Variants in PLXNA4 observed in about 807,000 individuals in gnomAD.
PLXNA4 encodes plexin A4.
PLXNA4 carries 44 observed loss-of-function variants against 191.8 expected under a neutral mutation model. The ratio of observed to expected loss-of-function variants is 0.23; its 90% CI spans 0.18 to 0.29. The LOEUF is 0.29. PLXNA4 is among the 10% of genes least tolerant of loss of function. The probability of loss-of-function intolerance (pLI) is 1.00; values close to 1 mark genes in which losing one functional copy is unlikely to be tolerated. For missense variants in PLXNA4, 1,800 were observed against 2,488.8 expected (o/e 0.72, Z 5.89); for synonymous variants, 1,082 against 1,009.5 (o/e 1.07, Z -1.36).
chr7:132,292,327 G>C (rs1800923511), intron 4 of PLXNA4, among the ~76,000 whole-genome samples: 1 of 152,166 alleles, frequency 6.6e-6, no homozygotes, highest in Admixed American at 6.5e-5. Context: ...AAAGAAACTA[G>C]GGACAAGAAG....
chr7:132,252,619 C>A (rs1445377619), intron 4 of PLXNA4, among the ~76,000 whole-genome samples: 1 of 152,096 alleles, frequency 6.6e-6, no homozygotes, highest in African/African-American at 2.4e-5. Flanking sequence ...GGTTTTATGC[C>A]TTATGCACTG....
intron 3 of PLXNA4, among the ~76,000 whole-genome samples, chr7:132,392,423 T>C (rs985183794): frequency 2.6e-5 from 4 of 152,206 alleles, no homozygotes; most frequent in Non-Finnish European, 5.9e-5. Context: ...CTCTGAAAAG[T>C]GCGGACACTG....
chr7:132,320,260 AG>A (rs1232846382), intron 3 of PLXNA4, among the ~76,000 whole-genome samples: 1 of 152,234 alleles, frequency 6.6e-6, no homozygotes, highest in African/African-American at 2.4e-5. Context: ...AGGGGCCGGT[AG>A]GGCTGAATCC....
chr7:132,357,313 T>C lies in PLXNA4; in HGVS notation c.1372-59091A>G, dbSNP rs139284604. Among the ~76,000 whole-genome samples the C allele has an allele frequency of 9.6e-3, 1,467 of 152,244 alleles. 14 individuals are homozygous for C. Among genetic ancestry groups the C allele is most frequent in the Non-Finnish European group, 0.014 (943 of 68,014 alleles). On this transcript the variant is annotated intron_variant, in intron 3 of 31. Transcript: ENST00000321063. Reference sequence around the variant, plus strand: ...TGAGTGCCAAGCTCTGTGCCCTGCATTTCACATGCCCTCCCTCTTTCCTTT... The same window carrying C: ...TGAGTGCCAAGCTCTGTGCCCTGCACTTCACATGCCCTCCCTCTTTCCTTT...
chr7:132,578,571 A>C (rs1227508312), upstream of PLXNA4, among the ~76,000 whole-genome samples: 2 of 152,132 alleles, frequency 1.3e-5, no homozygotes, highest in Non-Finnish European at 2.9e-5. Flanking sequence ...GAGCCTTTGA[A>C]AGGAGCTGTG....
rs199632038 is a variant in PLXNA4 at position 132,437,571 on chromosome 7, A to G, written c.1371+51721T>C. ...GAGCTGCATCTGAGGAAAAAAAAGA[A>G]AAAAAAAAAAAAAACAGAAAAAGCC... On this transcript the variant is annotated intron_variant, in intron 3 of 31. Coordinates refer to ENST00000321063, the MANE Select transcript of PLXNA4 (RefSeq NM_020911.2). Among the ~76,000 whole-genome samples, 5 of 8,800 alleles carry G rather than the reference A, an allele frequency of 5.7e-4. No individual in the cohort carries two copies. The Non-Finnish European group carries it at 7.2e-3, about 13-fold the overall frequency. The allele number at this position is 8,800 out of a possible 152,430, so 5.8% of individuals were successfully genotyped here. A position where few individuals can be genotyped will look rare whatever the true frequency, so the allele number is the denominator to read the frequency against.
At chr7:132,177,900 C>T (rs1796530358) in intron 20 of PLXNA4, among the ~76,000 whole-genome samples, 1 of 152,196 alleles carries the variant, frequency 6.6e-6, no homozygotes, top group Admixed American at 6.5e-5. Flanking sequence ...TCAAAAAGAG[C>T]CGTGGCTGCC....
In PLXNA4 at chr7:132,130,447, C is replaced by T. The variant is rs757088586; in HGVS notation, c.*32G>A. ...TAGACTGAGGCACGGCTTGGTGTGTCCCCCTCCAGGGCGGCCCTGGAAGGA... is the reference window on the plus strand; with the variant it reads ...TAGACTGAGGCACGGCTTGGTGTGTTCCCCTCCAGGGCGGCCCTGGAAGGA... On this transcript the variant is annotated 3_prime_UTR_variant, in exon 32 of 32. Coordinates refer to ENST00000321063, the MANE Select transcript of PLXNA4 (RefSeq NM_020911.2). 8 of 1,613,856 alleles carry T rather than the reference C, an allele frequency of 5.0e-6. No homozygotes were observed. Among genetic ancestry groups the T allele is most frequent in the Middle Eastern group, 1.7e-4 (1 of 6,060 alleles).
At chr7:132,529,913 G>T (rs529261202) in intron 1 of PLXNA4, among the ~76,000 whole-genome samples, 1 of 152,094 alleles carries the variant, frequency 6.6e-6, no homozygotes, top group Non-Finnish European at 1.5e-5. Flanking sequence ...CCCCCCTAAT[G>T]GATATTCTTA....
chr7:132,500,685 G>A (rs1798213188), intron 2 of PLXNA4, among the ~76,000 whole-genome samples: 1 of 152,130 alleles, frequency 6.6e-6, no homozygotes, highest in African/African-American at 2.4e-5. Flanking sequence ...ATAACTAAAG[G>A]AGGAGACACA....
intron 1 of PLXNA4, among the ~76,000 whole-genome samples, chr7:132,561,634 CCTCCTT>C (rs1801089113): frequency 7.4e-6 from 1 of 135,978 alleles, no homozygotes; most frequent in Non-Finnish European, 1.6e-5. Context: ...TCTTCCTCCT[CCTCCTT>C]CTCCTCCTCT....
At chr7:132,424,439 C>G (rs564317119) in intron 3 of PLXNA4, among the ~76,000 whole-genome samples, 2 of 152,340 alleles carry the variant, frequency 1.3e-5, no homozygotes, top group South Asian at 4.1e-4. Context: ...TGTGGACGTC[C>G]AACCAGGCTG....
chr7:132,273,090 A>C (rs1800137202), intron 4 of PLXNA4, among the ~76,000 whole-genome samples: 1 of 152,202 alleles, frequency 6.6e-6, no homozygotes, highest in Non-Finnish European at 1.5e-5. Flanking sequence ...ATAATTGAAC[A>C]AATGCATTTG....
At chr7:132,615,985 G>A (rs1160869730) in intron 2 of PLXNA4, among the ~76,000 whole-genome samples, 1 of 80,626 alleles carries the variant, frequency 1.2e-5, no homozygotes, top group African/African-American at 3.8e-5. Flanking sequence ...GCCTGCTTTC[G>A]CCCTATCCCC....
intron 3 of PLXNA4, among the ~76,000 whole-genome samples, chr7:132,362,458 A>T (rs1487808217): frequency 1.3e-5 from 2 of 152,252 alleles, no homozygotes; most frequent in African/African-American, 2.4e-5. Flanking sequence ...AGGGGCACCC[A>T]GACTAAGAAA....
intron 1 of PLXNA4, among the ~76,000 whole-genome samples, chr7:132,568,999 C>A (rs770471763): frequency 6.6e-6 from 1 of 152,212 alleles, no homozygotes; most frequent in East Asian, 1.9e-4. Flanking sequence ...GCCAAGGAAG[C>A]CCCAGCCCCA....
intron 2 of PLXNA4, among the ~76,000 whole-genome samples, chr7:132,494,596 T>C (rs1454162141): frequency 6.6e-6 from 1 of 152,112 alleles, no homozygotes; most frequent in Non-Finnish European, 1.5e-5. Context: ...GTGGTGGTGG[T>C]GGAGGTGGTG....
intron 4 of PLXNA4, among the ~76,000 whole-genome samples, chr7:132,244,160 T>C (rs1011728099): frequency 6.6e-6 from 1 of 152,162 alleles, no homozygotes; most frequent in East Asian, 1.9e-4. Flanking sequence ...CCCCCCAGTT[T>C]CCTGGGTAAA....
chr7:132,504,166 A>T (rs200618598), intron 2 of PLXNA4, among the ~76,000 whole-genome samples: 2 of 152,358 alleles, frequency 1.3e-5, no homozygotes, highest in East Asian at 3.9e-4. Flanking sequence ...GTTGAGGTAC[A>T]GCTGAGCTCT....
Sources: allele counts gnomAD v4.1 joint callset (sites outside exome capture counted in the v4.1 genomes callset), GRCh38; gene constraint gnomAD v4.1.1; transcripts MANE v1.5; gene names NCBI Gene and HGNC (gene_info 2026-07-23, HGNC 2026-07-21).